SAMSN1: variants seen among roughly 807,000 people sequenced by gnomAD.
SAMSN1 encodes the protein SAM domain, SH3 domain and nuclear localization signals 1, also known as SAM domain-containing protein SAMSN-1.
In SAMSN1, 31 loss-of-function variants were observed where a neutral mutation model predicts 42.0. The observed-to-expected ratio is 0.74, with a 90% CI of 0.55 to 1.00. The LOEUF (loss-of-function observed/expected upper bound fraction) is 1.00. Among genes scored for constraint, SAMSN1 ranks in the 50% least tolerant of loss-of-function variants. The pLI is 0.00. For synonymous variants in SAMSN1, 178 were observed against 151.9 expected, an observed-to-expected ratio of 1.17 and a Z score of -1.26; for missense variants, 464 against 439.4, an observed-to-expected ratio of 1.06 and a Z score of -0.50.
chr21:14,525,849 G>A (rs1378885209), intron 1 of SAMSN1, among the ~76,000 whole-genome samples: 1 of 151,994 alleles, frequency 6.6e-6, no homozygotes, highest in African/African-American at 2.4e-5. Flanking sequence ...AAAGTTAGTG[G>A]TCTCATAACT....
At chr21:14,557,459 G>A (rs55824916) in intron 2 of SAMSN1, among the ~76,000 whole-genome samples, 14,640 of 152,130 alleles carry the variant, frequency 0.096, 1,556 homozygotes, top group African/African-American at 0.27. Context: ...CTTCTAGGAC[G>A]TGGTCATAGT....
chr21:14,614,782 T>C (rs77291119), intron 3 of SAMSN1, among the ~76,000 whole-genome samples: 3,967 of 152,230 alleles, frequency 0.026, 104 homozygotes, highest in South Asian at 0.079. Flanking sequence ...AGGTGTATAA[T>C]AACATGAGAC....
intron 2 of SAMSN1, among the ~76,000 whole-genome samples, chr21:14,638,526 C>G (rs1235103600): frequency 6.6e-6 from 1 of 152,030 alleles, no homozygotes; most frequent in Non-Finnish European, 1.5e-5. Flanking sequence ...TCTACTGTCT[C>G]CTTTATTTTT....
At chr21:14,521,841 A>C (rs575467143) in intron 1 of SAMSN1, among the ~76,000 whole-genome samples, 1 of 152,188 alleles carries the variant, frequency 6.6e-6, no homozygotes, top group East Asian at 1.9e-4. Context: ...AAACCTGTAC[A>C]TCCTGTACAT....
chr21:14,606,653 A>G (rs1982578277), intron 5 of SAMSN1, among the ~76,000 whole-genome samples: 1 of 152,196 alleles, frequency 6.6e-6, no homozygotes, highest in Non-Finnish European at 1.5e-5. Flanking sequence ...CTCACACCTA[A>G]GCTATGCCAA....
At chr21:14,615,377 A>G (rs1295429387) in intron 3 of SAMSN1, among the ~76,000 whole-genome samples, 1 of 152,180 alleles carries the variant, frequency 6.6e-6, no homozygotes, top group Non-Finnish European at 1.5e-5. Context: ...GAGGACACCC[A>G]GAGAGAACAT....
In SAMSN1 at chr21:14,512,558, C is replaced by T; in HGVS notation, c.295G>A (p.Glu99Lys). 1.2e-6 allele frequency: 2 copies of T among 1,613,892 alleles called. No individual in the cohort carries two copies. Among genetic ancestry groups the T allele is most frequent in the Non-Finnish European group, 1.7e-6 (2 of 1,179,808 alleles). The change falls in exon 4 of 8, where the codon GAG becomes AAG. Residue 99 changes from glutamate (E) to lysine (K), a missense_variant. Glu to Lys is a moderately conservative substitution (Grantham distance 56). Coordinates refer to ENST00000400566, the MANE Select transcript of SAMSN1 (RefSeq NM_022136.5). ...LSEEKDEEDG[E>K]NAHPYRNSDP... Reference sequence around the variant, plus strand: ...CTGTTTCTATATGGGTGGGCATTCTCTCCATCTTCCTCATCCTTCAGAAAA... The same window carrying T: ...CTGTTTCTATATGGGTGGGCATTCTTTCCATCTTCCTCATCCTTCAGAAAA...
intron 2 of SAMSN1, among the ~76,000 whole-genome samples, chr21:14,623,100 T>C (rs929538675): frequency 2.6e-5 from 4 of 152,150 alleles, no homozygotes; most frequent in African/African-American, 9.7e-5. Context: ...AGGCCTGCCC[T>C]ACAAGAGCTC....
intron 2 of SAMSN1, among the ~76,000 whole-genome samples, chr21:14,618,656 ATGTGTGTGTG>A (rs3050614): frequency 0.1 from 15,261 of 149,118 alleles, 929 homozygotes; most frequent in Admixed American, 0.21. Flanking sequence ...ACAGCTGTGT[ATGTGTGTGTG>A]TGTGTGTGTG....
intron 1 of SAMSN1, among the ~76,000 whole-genome samples, chr21:14,650,166 T>A (rs979000243): frequency 1.3e-5 from 2 of 152,130 alleles, no homozygotes; most frequent in African/African-American, 4.8e-5. Flanking sequence ...AACATCAGAC[T>A]GAATCTTCAC....
At chr21:14,537,637 A>C (rs1024270834) in intron 1 of SAMSN1, among the ~76,000 whole-genome samples, 3 of 152,204 alleles carry the variant, frequency 2.0e-5, no homozygotes, top group African/African-American at 7.2e-5. Flanking sequence ...AACTTTAAAA[A>C]TTCTTGATGT....
At chr21:14,653,365 A>T (rs956080885) in intron 1 of SAMSN1, among the ~76,000 whole-genome samples, 7 of 152,062 alleles carry the variant, frequency 4.6e-5, no homozygotes, top group African/African-American at 1.4e-4. Context: ...AGAACTGGAG[A>T]TGATTATGGT....
intron 2 of SAMSN1, among the ~76,000 whole-genome samples, chr21:14,564,926 G>A (rs1279571187): frequency 6.6e-6 from 1 of 152,096 alleles, no homozygotes; most frequent in African/African-American, 2.4e-5. Flanking sequence ...CAAAGGGATG[G>A]AGAAGCAACT....
chr21:14,554,336 T>C (rs1484536683), intron 2 of SAMSN1, among the ~76,000 whole-genome samples: 2 of 152,162 alleles, frequency 1.3e-5, no homozygotes, highest in African/African-American at 4.8e-5. Context: ...GCTTGAAAGA[T>C]ATTGCTATGA....
intron 5 of SAMSN1, among the ~76,000 whole-genome samples, chr21:14,604,753 C>T (rs527684822): frequency 1.3e-5 from 2 of 152,252 alleles, no homozygotes; most frequent in East Asian, 1.9e-4. Flanking sequence ...GTTGGCTGCC[C>T]GGCTGAGCCG....
Position 14,543,840 on chromosome 21 carries a change from TC to T in SAMSN1, c.57+2364del, listed in dbSNP as rs149237315. Among the ~76,000 whole-genome samples, 430 of 152,328 alleles carry T rather than the reference TC, an allele frequency of 2.8e-3. 2 individuals are homozygous for T. Among genetic ancestry groups the T allele is most frequent in the Non-Finnish European group, 4.6e-3 (312 of 68,022 alleles). On this transcript the variant is annotated intron_variant, in intron 1 of 7. Transcript: ENST00000400566. ...GAGTATAGTATGAAGAGTTTATGTT[TC>T]TTGGTTAGGAAATTTTGTAAACTAA...
chr21:14,654,688 A>G (rs1172541476), intron 1 of SAMSN1, among the ~76,000 whole-genome samples: 1 of 151,840 alleles, frequency 6.6e-6, no homozygotes, highest in African/African-American at 2.4e-5. Flanking sequence ...AGAATATGAA[A>G]CAAGCTACCA....
At chr21:14,620,844 A>G (rs1982982835) in intron 2 of SAMSN1, among the ~76,000 whole-genome samples, 1 of 152,234 alleles carries the variant, frequency 6.6e-6, no homozygotes, top group Admixed American at 6.5e-5. Context: ...TGAATTGAAC[A>G]TGGGTACAAA....
At chr21:14,603,720 A>G (rs1982496378) in intron 5 of SAMSN1, among the ~76,000 whole-genome samples, 1 of 152,154 alleles carries the variant, frequency 6.6e-6, no homozygotes, top group African/African-American at 2.4e-5. Flanking sequence ...AAACCATTAG[A>G]CCAATGTTGT....
Sources: gnomAD v4.1 joint callset for allele counts (sites outside exome capture counted in the v4.1 genomes callset) on GRCh38, gnomAD v4.1.1 for gene constraint, MANE v1.5 for transcripts, NCBI Gene and HGNC (gene_info 2026-07-23, HGNC 2026-07-21) for gene names.